The following UGT2B7 variants were observed in gnomAD, a reference collection of about 807,000 sequenced individuals.
UGT2B7 encodes UDP-glucuronosyltransferase 2B7.
Under a neutral mutation model 51.9 loss-of-function variants are expected in UGT2B7, and 51 were observed. The observed-to-expected ratio is 0.98, with a 90% CI of 0.78 to 1.24. The LOEUF (loss-of-function observed/expected upper bound fraction) is 1.24, where lower values mean the gene tolerates loss of function less well. UGT2B7 is among the 50% of genes most tolerant of loss of function. UGT2B7 has a pLI of 0.00. For synonymous variants in UGT2B7, 225 were observed against 211.6 expected, an observed-to-expected ratio of 1.06 and a Z score of -0.55; for missense variants, 727 against 628.4, an observed-to-expected ratio of 1.16 and a Z score of -1.68.
rs138317802 is a variant in UGT2B7 at position 69,097,021 on chromosome 4, C to G, written c.501C>G (p.Pro167=). The change falls in exon 1 of 6, where the codon CCC becomes CCG. Residue 167 remains proline, a synonymous_variant. Transcript: ENST00000305231. Reference sequence around the variant, plus strand: ...TGCTGGCTGAGCTATTTAACATACCCTTTGTGTACAGTCTCAGCTTCTCTC... The same window carrying G: ...TGCTGGCTGAGCTATTTAACATACCGTTTGTGTACAGTCTCAGCTTCTCTC... ...SELLAELFNI[P]FVYSLSFSPG... is the part of the protein sequence containing the mutation. 6.2e-6 allele frequency: 10 copies of G among 1,613,742 alleles called. No homozygotes were observed. The highest frequency in any genetic ancestry group is 8.5e-6 in the Non-Finnish European group (10 of 1,179,792).
intron 1 of UGT2B7, among the ~76,000 whole-genome samples, chr4:69,064,558 C>T (rs1171180556): frequency 6.6e-6 from 1 of 152,160 alleles, no homozygotes; most frequent in African/African-American, 2.4e-5. Flanking sequence ...CATGTGTAAT[C>T]CCGAGTTATG....
intron 1 of UGT2B7, chr4:69,066,378 G>T (rs1273872627): frequency 6.6e-6 from 1 of 151,938 alleles, no homozygotes; most frequent in Non-Finnish European, 1.5e-5. Flanking sequence ...TCATCATTAG[G>T]CTCCCTTGTC....
In UGT2B7 at chr4:69,108,214, A is replaced by G; in HGVS notation, c.1202A>G (p.Asp401Gly). 1 of 1,613,814 alleles carries G rather than the reference A, an allele frequency of 6.2e-7. No individual in the cohort carries two copies. The highest frequency in any genetic ancestry group is 8.5e-7 in the Non-Finnish European group (1 of 1,179,774). ...VGIPLFADQPDNIAHMKARGA... is the reference protein window; with the variant it reads ...VGIPLFADQPGNIAHMKARGA... ...ATTCCATTGTTTGCCGATCAACCTG[A>G]TAACATTGCTCACATGAAGGCCAGG... The change falls in exon 5 of 6, where the codon GAT (aspartate) becomes GGT (glycine). Residue 401 changes from aspartate (D) to glycine (G), a missense_variant. Coordinates refer to ENST00000305231, the MANE Select transcript of UGT2B7 (RefSeq NM_001074.4).
intron 5 of UGT2B7, among the ~76,000 whole-genome samples, chr4:69,112,167 T>C (rs1170618554): frequency 1.3e-5 from 2 of 152,196 alleles, no homozygotes. Flanking sequence ...TGGAAAAGCA[T>C]TGTAAAAATC....
chr4:69,082,079 G>C (rs191045361), intron 1 of UGT2B7, among the ~76,000 whole-genome samples: 49 of 152,036 alleles, frequency 3.2e-4, no homozygotes, highest in Admixed American at 1.1e-3. Flanking sequence ...TCATATTACT[G>C]TTGTAATTGG....
intron 1 of UGT2B7, among the ~76,000 whole-genome samples, chr4:69,078,437 T>A (rs1231593810): frequency 6.6e-6 from 1 of 152,204 alleles, no homozygotes; most frequent in East Asian, 1.9e-4. Context: ...TGGACTTTTT[T>A]TGGTTGGTAG....
chr4:69,105,898 C>T (rs1242227826), intron 3 of UGT2B7, among the ~76,000 whole-genome samples: 2 of 151,986 alleles, frequency 1.3e-5, no homozygotes, highest in Non-Finnish European at 2.9e-5. Context: ...TACATGTGAA[C>T]TACTTCCCAA....
chr4:69,109,040 GT>G (rs140295993), intron 5 of UGT2B7, among the ~76,000 whole-genome samples: 19 of 143,956 alleles, frequency 1.3e-4, no homozygotes, highest in Admixed American at 4.1e-4. Context: ...ATTTTTTGTT[GT>G]TTTTTTTTTC....
intron 1 of UGT2B7, among the ~76,000 whole-genome samples, chr4:69,072,890 G>T (rs1012634351): frequency 6.6e-6 from 1 of 152,098 alleles, no homozygotes; most frequent in Non-Finnish European, 1.5e-5. Flanking sequence ...CATTATAAAA[G>T]TTGTGTTCCT....
chr4:69,064,084 GAAAGAAAGAAAGAGAAAGAAAGAAAGAA>G (rs1560499719), intron 1 of UGT2B7, among the ~76,000 whole-genome samples: 77 of 106,480 alleles, frequency 7.2e-4, no homozygotes, highest in African/African-American at 3.4e-3. Flanking sequence ...AAGAAAGAAA[GAAAGAAAGAAAGAGAAAGAAAGAAAGAA>G]AAAGAAAGAA....
At chr4:69,053,321 A>G (rs1298701951) in intron 1 of UGT2B7, among the ~76,000 whole-genome samples, 1 of 152,238 alleles carries the variant, frequency 6.6e-6, no homozygotes, top group African/African-American at 2.4e-5. Flanking sequence ...TTGGTGCTAA[A>G]GGAAACATTC....
upstream of UGT2B7, among the ~76,000 whole-genome samples, chr4:69,091,999 A>G (rs187795942): frequency 2.6e-3 from 395 of 152,170 alleles, 2 homozygotes; most frequent in Middle Eastern, 0.014. Context: ...CTGAAGTGCA[A>G]TCATGGCTTG....
At chr4:69,064,090 A>AGAGAG (rs1560499746) in intron 1 of UGT2B7, among the ~76,000 whole-genome samples, 15 of 97,650 alleles carry the variant, frequency 1.5e-4, no homozygotes, top group Non-Finnish European at 2.2e-4. Flanking sequence ...GAAAGAAAGA[A>AGAGAG]AGAAAGAGAA....
chr4:69,079,070 T>C (rs939487107), intron 1 of UGT2B7, among the ~76,000 whole-genome samples: 3 of 151,922 alleles, frequency 2.0e-5, no homozygotes, highest in Non-Finnish European at 4.4e-5. Flanking sequence ...CCTGGGACAA[T>C]AGGAAGCTGA....
chr4:69,082,676 A>G (rs574200096), intron 1 of UGT2B7, among the ~76,000 whole-genome samples: 1 of 152,200 alleles, frequency 6.6e-6, no homozygotes, highest in East Asian at 1.9e-4. Context: ...TGAGAAAAAA[A>G]TAAATCTATC....
chr4:69,060,916 G>C (rs1275601216), intron 1 of UGT2B7, among the ~76,000 whole-genome samples: 1 of 152,182 alleles, frequency 6.6e-6, no homozygotes, highest in South Asian at 2.1e-4. Flanking sequence ...CATTGAATCA[G>C]TGCCAGGAAG....
intron 1 of UGT2B7, among the ~76,000 whole-genome samples, chr4:69,064,094 A>AAGAAAGAAAGAAAGAAAGAAAGAGAGAG (rs1560499755): frequency 1.2e-5 from 1 of 84,422 alleles, no homozygotes; most frequent in African/African-American, 5.0e-5. Context: ...GAAAGAAAGA[A>AAGAAAGAAAGAAAGAAAGAAAGAGAGAG]AGAGAAAGAA....
At position 69,108,280 on chromosome 4, in the gene UGT2B7, C is replaced by T. The variant is rs761324309; in HGVS notation, c.1268C>T (p.Thr423Ile). Residue 423 changes from threonine to isoleucine, a missense_variant, in exon 5 of 6, where the codon ACA becomes ATA. By Grantham distance (89) the Thr-to-Ile change is moderately conservative (BLOSUM62 -1). Transcript: ENST00000305231. ...GTGGACTTCAACACAATGTCGAGTA[C>T]AGACTTGCTGAATGCATTGAAGAGA... ...VRVDFNTMSS[T>I]DLLNALKRVI... 2 of 1,613,448 alleles carry T rather than the reference C, an allele frequency of 1.2e-6. No homozygotes were observed. Among genetic ancestry groups the T allele is most frequent in the African/African-American group, 2.7e-5 (2 of 74,874 alleles).
At chr4:69,080,799 C>A (rs1718820751) in intron 1 of UGT2B7, among the ~76,000 whole-genome samples, 1 of 152,118 alleles carries the variant, frequency 6.6e-6, no homozygotes, top group South Asian at 2.1e-4. Context: ...GGAGCCCTTT[C>A]TTTAATATAG....
Sources: allele counts gnomAD v4.1 joint callset (sites outside exome capture counted in the v4.1 genomes callset), GRCh38; gene constraint gnomAD v4.1.1; transcripts MANE v1.5; gene names NCBI Gene and HGNC (gene_info 2026-07-23, HGNC 2026-07-21).